Variants in FGD2 observed in about 807,000 individuals in gnomAD.
FGD2 encodes FYVE, RhoGEF and PH domain-containing protein 2.
In FGD2, 52 loss-of-function variants were observed where a neutral mutation model predicts 75.9. The observed-to-expected ratio is 0.69, with a 90% CI of 0.55 to 0.86. The LOEUF is 0.86. Ranked by LOEUF, FGD2 falls within the 40% of genes least tolerant of loss-of-function variation. The pLI is 0.00. For missense variants in FGD2, 790 were observed against 872.0 expected (o/e 0.91, Z 1.18); for synonymous variants, 347 against 348.6 (o/e 1.00, Z 0.05).
intron 15 of FGD2, 64 bp from the exon 16 acceptor site, chr6:37,027,884 G>C: frequency 1.9e-6 from 3 of 1,565,856 alleles, no homozygotes; most frequent in Non-Finnish European, 2.6e-6. Context: ...TTGCCTTCAC[G>C]ATGGCTATCT....
intron 13 of FGD2, chr6:37,024,577 G>C (rs1765730198): frequency 6.6e-6 from 1 of 152,114 alleles, no homozygotes; most frequent in South Asian, 2.1e-4. Flanking sequence ...GAATCTAGTG[G>C]GTGGTATCAT....
At chr6:37,015,129 C>T (rs1170869446) in intron 8 of FGD2, 91 bp downstream of exon 8, 1 of 1,483,492 alleles carries the variant, frequency 6.7e-7, no homozygotes, top group Non-Finnish European at 9.0e-7. Flanking sequence ...CTCTACCTGG[C>T]ACTGCAGGGG....
intron 1 of FGD2, among the ~76,000 whole-genome samples, chr6:37,007,467 G>A (rs1302499266): frequency 2.0e-5 from 3 of 152,312 alleles, no homozygotes; most frequent in East Asian, 1.9e-4. Context: ...CATGCTTGAC[G>A]TGGACTAGGC....
At chr6:37,018,876 G>C (rs1311415188) in intron 9 of FGD2, among the ~76,000 whole-genome samples, 5 of 152,122 alleles carry the variant, frequency 3.3e-5, no homozygotes, top group Non-Finnish European at 7.4e-5. Flanking sequence ...TACTACAAAC[G>C]TACTGTATGG....
chr6:37,022,251 G>A lies in FGD2; in HGVS notation c.1339G>A (p.Glu447Lys), dbSNP rs1187825701. Reference protein sequence around the residue: ...DIQEQELQSEELGLRAPQWVR... With the variant: ...DIQEQELQSEKLGLRAPQWVR... ...CCTTAACCCACAGCTGCAGTCTGAG[G>A]AGCTGGGCCTCCGGGCACCGCAGTG... The change falls in exon 13 of 16, where the codon GAG becomes AAG. Residue 447 changes from glutamate to lysine, a missense_variant. Coordinates refer to ENST00000274963, the MANE Select transcript of FGD2 (RefSeq NM_173558.4). 1.3e-6 allele frequency: 2 copies of A among 1,596,326 alleles called. No individual in the cohort carries two copies. Among genetic ancestry groups the A allele is most frequent in the South Asian group, 2.2e-5 (2 of 89,658 alleles).
chr6:37,016,618 C>T (rs1246437759), intron 9 of FGD2, among the ~76,000 whole-genome samples: 1 of 151,706 alleles, frequency 6.6e-6, no homozygotes, highest in East Asian at 1.9e-4. Flanking sequence ...ACTGCAACCT[C>T]CACCTCCTGG....
chr6:37,022,658 C>T, intron 13 of FGD2: 1 of 337,066 alleles, frequency 3.0e-6, no homozygotes, highest in Non-Finnish European at 5.4e-6. Flanking sequence ...CCTGTCCCAC[C>T]TCGGCCTCCA....
chr6:37,006,538 C>G (rs933740844), intron 1 of FGD2, among the ~76,000 whole-genome samples: 1 of 152,008 alleles, frequency 6.6e-6, no homozygotes, highest in Non-Finnish European at 1.5e-5. Context: ...AATGCTGGGG[C>G]GTCTGTCTGG....
Position 37,005,709 on chromosome 6 carries a change from C to A in FGD2, c.-109C>A. The A allele has an allele frequency of 8.6e-7, 1 of 1,165,072 alleles. No individual in the cohort carries two copies. Among genetic ancestry groups the A allele is most frequent in the Non-Finnish European group, 1.3e-6 (1 of 791,086 alleles). The allele number at this position is 1,165,072 out of a possible 1,614,324, so 72.2% of individuals were successfully genotyped here. A position where few individuals can be genotyped will look rare whatever the true frequency, so the allele number is the denominator to read the frequency against. On this transcript the variant is annotated 5_prime_UTR_variant, in exon 1 of 16. Transcript: ENST00000274963. ...CCCTCAAGAAAGATCAGAACAGATT[C>A]ATGGGTGATTTAGCCTATCTGTCCC...
chr6:37,009,197 T>G (rs1764895278), intron 2 of FGD2, 132 bp downstream of exon 2: 1 of 810,902 alleles, frequency 1.2e-6, no homozygotes, highest in Non-Finnish European at 1.9e-6. Flanking sequence ...AGAGGTCAGC[T>G]GGGAGCTAGA....
rs1291501272 is a variant in FGD2 at position 37,025,905 on chromosome 6, G to A, written c.1572G>A (p.Glu524=). 5 of 1,614,094 alleles carry A rather than the reference G, an allele frequency of 3.1e-6. No individual in the cohort carries two copies. Among genetic ancestry groups the A allele is most frequent in the Non-Finnish European group, 4.2e-6 (5 of 1,180,046 alleles). The stretch of plus-strand genomic sequence containing the variant: ...TCCTCACTGGAAATGTGCTGCCTGA[G>A]GCCAAGGAGGACAAGAGGCGGGGCA... The part of the protein sequence containing the change: ...YAFLTGNVLP[E]AKEDKRRGIL... Residue 524 remains glutamate, a synonymous_variant, in exon 14 of 16, where the codon GAG becomes GAA. Coordinates refer to ENST00000274963, the MANE Select transcript of FGD2 (RefSeq NM_173558.4).
rs771370154 is a variant in FGD2 at position 37,008,882 on chromosome 6, C to A, written c.117C>A (p.His39Gln). 10 of 1,613,678 alleles carry A rather than the reference C, an allele frequency of 6.2e-6. No individual in the cohort carries two copies. Among genetic ancestry groups the A allele is most frequent in the Non-Finnish European group, 8.5e-6 (10 of 1,179,702 alleles). Residue 39 changes from histidine to glutamine, a missense_variant, in exon 2 of 16, where the codon CAC becomes CAA. By Grantham distance (24) the His-to-Gln change is conservative. Coordinates refer to ENST00000274963, the MANE Select transcript of FGD2 (RefSeq NM_173558.4). ...GCCAGAGGCTAGAGGACGTGCATCA[C>A]CGCCCTGAGTGCAGGCCTCCCGAGT... ...PRGQRLEDVH[H>Q]RPECRPPESP... is the part of the protein sequence containing the mutation.
Position 37,014,996 on chromosome 6 carries a change from C to G in FGD2, c.987C>G (p.Ile329Met). The G allele has an allele frequency of 1.2e-6, 2 of 1,614,146 alleles. No homozygotes were observed. The highest frequency in any genetic ancestry group is 1.7e-6 in the Non-Finnish European group (2 of 1,180,014). ...TCCGTGAGGGCCCGGTCCTCAAGAT[C>G]TCCTTCCGCCGCAACGACCCCATGG... Reference protein sequence around the residue: ...TLLREGPVLKISFRRNDPMER... With the variant: ...TLLREGPVLKMSFRRNDPMER... The change falls in exon 8 of 16, where the codon ATC (isoleucine) becomes ATG (methionine). Residue 329 changes from isoleucine to methionine, a missense_variant. Transcript: ENST00000274963.
At position 37,022,219 on chromosome 6, in the gene FGD2, C is replaced by T. The variant is rs761348995; in HGVS notation, c.1327-20C>T. On this transcript the variant is annotated intron_variant, in intron 12 of 15. Coordinates refer to ENST00000274963, the MANE Select transcript of FGD2 (RefSeq NM_173558.4). ...AGGTCACCAAGGGCCCATTCCTGCC[C>T]AACTCCCCTTAACCCACAGCTGCAG... 48 of 1,596,728 alleles carry T rather than the reference C, an allele frequency of 3.0e-5. No individual in the cohort carries two copies. Among genetic ancestry groups the T allele is most frequent in the Admixed American group, 6.9e-5 (4 of 58,014 alleles).
chr6:37,028,065 G>A lies in FGD2; in HGVS notation c.1870G>A (p.Glu624Lys), dbSNP rs776503823. The change falls in exon 16 of 16, where the codon GAG becomes AAG. Residue 624 changes from glutamate (E) to lysine (K), a missense_variant. Glu to Lys is a moderately conservative substitution (Grantham distance 56, BLOSUM62 1). Transcript: ENST00000274963. ...AGGCCAGCTCTACACCTTCAAGGCC[G>A]AGACGGAGGAGCTGAAGGGCCGCTG... The part of the protein sequence containing the change: ...QSGQLYTFKA[E>K]TEELKGRWVK... 5.0e-6 allele frequency: 8 copies of A among 1,613,870 alleles called. No homozygotes were observed. Among genetic ancestry groups the A allele is most frequent in the East Asian group, 2.2e-5 (1 of 44,878 alleles).
At chr6:37,018,378 G>C (rs1765405456) in intron 9 of FGD2, among the ~76,000 whole-genome samples, 1 of 152,188 alleles carries the variant, frequency 6.6e-6, no homozygotes. Context: ...GGCAAGTGCA[G>C]AGCTGTCCAC....
intron 12 of FGD2, chr6:37,021,807 T>C (rs1765603948): frequency 5.3e-6 from 3 of 567,000 alleles, no homozygotes; most frequent in Non-Finnish European, 9.4e-6. Flanking sequence ...TTTGAGAGCC[T>C]GTCTGCACAG....
In FGD2 at chr6:37,008,996, G is replaced by A; in HGVS notation, c.231G>A (p.Lys77=). ...TVSRRYLNSL[K]NKLSSEAWRK... ...GCAGGAGGTACCTGAACTCCCTGAAGAACAAGCTGTCCAGCGAAGCCTGGA... is the reference window on the plus strand; with the variant it reads ...GCAGGAGGTACCTGAACTCCCTGAAAAACAAGCTGTCCAGCGAAGCCTGGA... Residue 77 remains lysine (K), a synonymous_variant, in exon 2 of 16, where the codon AAG becomes AAA. Transcript: ENST00000274963. The A allele has an allele frequency of 6.2e-7, 1 of 1,614,238 alleles. No individual in the cohort carries two copies. Among genetic ancestry groups the A allele is most frequent in the Non-Finnish European group, 8.5e-7 (1 of 1,180,034 alleles).
chr6:37,011,622 G>A (rs376729994), intron 3 of FGD2, 84 bp from the exon 4 acceptor site: 5 of 1,578,676 alleles, frequency 3.2e-6, no homozygotes, highest in South Asian at 2.3e-5. Context: ...CATGCAGTAG[G>A]CTTGGTGGGA....
Sources: gnomAD v4.1 joint callset for allele counts (sites outside exome capture counted in the v4.1 genomes callset) on GRCh38, gnomAD v4.1.1 for gene constraint, MANE v1.5 for transcripts, NCBI Gene and HGNC (gene_info 2026-07-23, HGNC 2026-07-21) for gene names.